Variants in DOCK3 observed in about 807,000 individuals in gnomAD.
DOCK3 encodes the protein dedicator of cytokinesis protein 3.
In DOCK3, 60 loss-of-function variants were observed where a neutral mutation model predicts 265.6. The ratio of observed to expected loss-of-function variants is 0.23; its 90% confidence interval spans 0.18 to 0.28. The LOEUF (loss-of-function observed/expected upper bound fraction) is 0.28, where lower values mean the gene tolerates loss of function less well. DOCK3 is among the 10% of genes least tolerant of loss of function. The probability of loss-of-function intolerance (pLI) is 1.00; values close to 1 mark genes in which losing one functional copy is unlikely to be tolerated. For missense variants in DOCK3, 1,981 were observed against 2,594.3 expected (o/e 0.76, Z 5.14); for synonymous variants, 881 against 938.0 (o/e 0.94, Z 1.11).
chr3:50,733,489 C>G (rs2038349657), intron 1 of DOCK3, among the ~76,000 whole-genome samples: 1 of 152,154 alleles, frequency 6.6e-6, no homozygotes, highest in East Asian at 1.9e-4. Flanking sequence ...ATATTTGTCT[C>G]TTATAAAATT....
At chr3:50,801,314 G>A (rs2043054186) in intron 2 of DOCK3, among the ~76,000 whole-genome samples, 1 of 152,012 alleles carries the variant, frequency 6.6e-6, no homozygotes. Context: ...AGAGTGACCT[G>A]GTGAGTGGTT....
chr3:51,305,164 C>G (rs1234168688), intron 27 of DOCK3, among the ~76,000 whole-genome samples: 2 of 152,174 alleles, frequency 1.3e-5, no homozygotes, highest in African/African-American at 4.8e-5. Context: ...ATATCAAAGT[C>G]TTCAACTATT....
intron 9 of DOCK3, among the ~76,000 whole-genome samples, chr3:51,106,749 T>G (rs969543247): frequency 4.6e-5 from 7 of 152,180 alleles, no homozygotes; most frequent in Admixed American, 2.6e-4. Context: ...ACCACCATTG[T>G]GCAAATGTGA....
rs534908598 is a variant in DOCK3, at chr3:50,720,475, CT to C, written c.37+45181del. ...TTACTGTGAAGGACATGATCTCATT[CT>C]TTTTTATGGCTGTGTAGTATTCCAT... On this transcript the variant is annotated intron_variant, in intron 1 of 52. Transcript: ENST00000266037. 1.2e-3 allele frequency among the ~76,000 whole-genome samples: 183 copies of C among 152,290 alleles called. 1 individual carries two copies. Among genetic ancestry groups the C allele is most frequent in the African/African-American group, 4.2e-3 (173 of 41,554 alleles).
intron 5 of DOCK3, among the ~76,000 whole-genome samples, chr3:50,975,975 G>A (rs529762760): frequency 2.7e-5 from 4 of 150,670 alleles, no homozygotes; most frequent in African/African-American, 9.8e-5. Context: ...ATTTCTGTGG[G>A]ATCGGTGGTG....
rs374042433 is a variant in DOCK3, at chr3:51,260,335, A to T, written c.2355+9A>T. The T allele has an allele frequency of 1.3e-6, 2 of 1,596,712 alleles. No individual in the cohort carries two copies. The highest frequency in any genetic ancestry group is 1.7e-6 in the Non-Finnish European group (2 of 1,170,758). On this transcript the variant is annotated intron_variant, in intron 23 of 52. Coordinates refer to ENST00000266037, the MANE Select transcript of DOCK3 (RefSeq NM_004947.5). ...CACTCCTTTTTACTCAGGTTCGCAC[A>T]CTGCAGGGAAGCTTTGATGCTGGGT...
chr3:50,978,621 A>G (rs938860344), intron 5 of DOCK3, among the ~76,000 whole-genome samples: 1 of 152,168 alleles, frequency 6.6e-6, no homozygotes, highest in African/African-American at 2.4e-5. Flanking sequence ...CTGCCCCCAG[A>G]GGTGGAGCCT....
At chr3:50,767,772 G>GT (rs1484186376) in intron 1 of DOCK3, among the ~76,000 whole-genome samples, 1 of 152,140 alleles carries the variant, frequency 6.6e-6, no homozygotes, top group Non-Finnish European at 1.5e-5. Context: ...TCTTCCATTT[G>GT]TTTGTGTCCT....
At chr3:51,151,331 T>C (rs368184026) in intron 10 of DOCK3, among the ~76,000 whole-genome samples, 3 of 152,124 alleles carry the variant, frequency 2.0e-5, no homozygotes, top group East Asian at 1.9e-4. Flanking sequence ...AATATTGTTA[T>C]GTGTGACCTG....
chr3:50,725,226 A>G (rs750472539), intron 1 of DOCK3, among the ~76,000 whole-genome samples: 10 of 152,220 alleles, frequency 6.6e-5, no homozygotes, highest in Non-Finnish European at 1.3e-4. Context: ...TATGACAATA[A>G]GAGCACAAAT....
intron 12 of DOCK3, among the ~76,000 whole-genome samples, chr3:51,199,557 C>T (rs995420874): frequency 3.6e-4 from 55 of 152,262 alleles, no homozygotes; most frequent in Non-Finnish European, 1.5e-4. Context: ...GGGTGGAGCC[C>T]ACCACAGCTC....
intron 9 of DOCK3, among the ~76,000 whole-genome samples, chr3:51,098,142 C>T (rs1036682567): frequency 4.6e-5 from 7 of 152,192 alleles, no homozygotes; most frequent in Non-Finnish European, 1.0e-4. Flanking sequence ...CTGTAACATC[C>T]GCCTTCCGGT....
At chr3:51,332,062 T>C (rs1293291032) in intron 33 of DOCK3, among the ~76,000 whole-genome samples, 1 of 152,210 alleles carries the variant, frequency 6.6e-6, no homozygotes, top group Non-Finnish European at 1.5e-5. Flanking sequence ...GTATGCTCTG[T>C]GCAAGGAGAC....
intron 5 of DOCK3, among the ~76,000 whole-genome samples, chr3:50,953,340 A>T (rs2076643234): frequency 1.3e-5 from 2 of 152,156 alleles, no homozygotes; most frequent in South Asian, 2.1e-4. Context: ...AAGAAGATAA[A>T]GTCTTCACAT....
At chr3:50,757,395 C>G (rs2040229887) in intron 1 of DOCK3, among the ~76,000 whole-genome samples, 1 of 151,964 alleles carries the variant, frequency 6.6e-6, no homozygotes, top group Admixed American at 6.6e-5. Context: ...TGGTCTTGAA[C>G]TCCTGGTCTC....
At chr3:51,051,292 A>G (rs901909718) in intron 5 of DOCK3, among the ~76,000 whole-genome samples, 2 of 152,228 alleles carry the variant, frequency 1.3e-5, no homozygotes, top group African/African-American at 4.8e-5. Context: ...ATTATTAGAG[A>G]GGTGCACGTA....
chr3:51,160,469 C>T, intron 11 of DOCK3, 86 bp from the exon 12 acceptor site: 2 of 1,445,010 alleles, frequency 1.4e-6, no homozygotes, highest in Admixed American at 5.4e-5. Context: ...GTGCCTGTAG[C>T]TCAGGCATCC....
At chr3:51,019,124 T>C (rs936334361) in intron 5 of DOCK3, among the ~76,000 whole-genome samples, 3 of 151,922 alleles carry the variant, frequency 2.0e-5, no homozygotes, top group Non-Finnish European at 2.9e-5. Flanking sequence ...CAAATTCTTA[T>C]GTTTAATGTA....
At chr3:51,091,552 G>A (rs1015733092) in intron 9 of DOCK3, among the ~76,000 whole-genome samples, 3 of 152,022 alleles carry the variant, frequency 2.0e-5, no homozygotes, top group South Asian at 2.1e-4. Flanking sequence ...GCGTGGTGGC[G>A]GGCTCCTGTA....
Sources: allele counts gnomAD v4.1 joint callset (sites outside exome capture counted in the v4.1 genomes callset), GRCh38; gene constraint gnomAD v4.1.1; transcripts MANE v1.5; gene names NCBI Gene and HGNC (gene_info 2026-07-23, HGNC 2026-07-21).